CCDC88A: variants seen among roughly 807,000 people sequenced by gnomAD.
CCDC88A encodes girdin.
In CCDC88A, 54 loss-of-function variants were observed where a neutral mutation model predicts 234.3. The observed-to-expected ratio is 0.23, with a 90% confidence interval of 0.19 to 0.29. CCDC88A has a LOEUF of 0.29. Ranked by LOEUF, CCDC88A falls within the 10% of genes least tolerant of loss-of-function variation. The pLI is 1.00. For synonymous variants in CCDC88A, 753 were observed against 737.8 expected (o/e 1.02, Z -0.33); for missense variants, 1,832 against 2,123.4 (o/e 0.86, Z 2.70).
At chr2:55,387,667 A>G (rs912678449) in intron 3 of CCDC88A, among the ~76,000 whole-genome samples, 1 of 151,220 alleles carries the variant, frequency 6.6e-6, no homozygotes. Flanking sequence ...CTATAGTCCC[A>G]GCTACTCAGG....
Position 55,309,410 on chromosome 2 carries a change from G to A in CCDC88A, c.4080-156C>T, listed in dbSNP as rs1170243334. On this transcript the variant is annotated intron_variant, in intron 23 of 32. Coordinates refer to ENST00000436346, the MANE Select transcript of CCDC88A (RefSeq NM_001365480.1). This position sits in a 1 kb window ranked among gnomAD's most constrained non-coding sequence, Gnocchi z 5.1. ...AAGATTTCATCAGGTAGTTAACAATGGGAATTTTTCCATGTTTCTCCTTTT... is the reference window on the plus strand; with the variant it reads ...AAGATTTCATCAGGTAGTTAACAATAGGAATTTTTCCATGTTTCTCCTTTT... 6.6e-6 allele frequency among the ~76,000 whole-genome samples: 1 copy of A among 151,858 alleles called. No homozygotes were observed. Among genetic ancestry groups the A allele is most frequent in the African/African-American group, 2.4e-5 (1 of 41,354 alleles).
rs3111411 is a variant in CCDC88A at position 55,372,519 on chromosome 2, G to A, written c.344-9C>T. The A allele has an allele frequency of 0.59, 790,940 of 1,350,422 alleles. 239,391 individuals carry two copies. Among genetic ancestry groups the A allele is most frequent in the Admixed American group, 0.69 (39,371 of 56,884 alleles). 83.7% of individuals were successfully genotyped at this position (1,350,422 alleles called of 1,614,324 possible). A position where few individuals can be genotyped will look rare whatever the true frequency, so the allele number is the denominator to read the frequency against. On this transcript the variant is annotated splice_polypyrimidine_tract_variant and intron_variant, in intron 4 of 32. Transcript: ENST00000436346. ...TTCTTCTGTGCCTTGTTCTAAAATAGAAACAATTATTAAGGACAACATTCT... is the reference window on the plus strand; with the variant it reads ...TTCTTCTGTGCCTTGTTCTAAAATAAAAACAATTATTAAGGACAACATTCT...
At chr2:55,294,913 G>A (rs1340957028) in intron 31 of CCDC88A, 11 of 1,137,130 alleles carry the variant, frequency 9.7e-6, no homozygotes, top group African/African-American at 1.6e-5. Context: ...TAATATACAT[G>A]CCATCATGTA....
At chr2:55,395,516 T>C (rs1325130745) in intron 2 of CCDC88A, among the ~76,000 whole-genome samples, 2 of 152,224 alleles carry the variant, frequency 1.3e-5, no homozygotes, top group Non-Finnish European at 1.5e-5. Flanking sequence ...AGAGGGACCA[T>C]ATCTTCTTAT....
intron 2 of CCDC88A, among the ~76,000 whole-genome samples, chr2:55,400,768 T>C (rs1678476505): frequency 6.6e-6 from 1 of 152,222 alleles, no homozygotes; most frequent in African/African-American, 2.4e-5. Context: ...ACCTGTTGTA[T>C]GTCCTCTTGG....
chr2:55,381,459 G>A (rs150192161), intron 3 of CCDC88A, among the ~76,000 whole-genome samples: 4 of 151,554 alleles, frequency 2.6e-5, no homozygotes, highest in Non-Finnish European at 5.9e-5. Context: ...AGGCTGAGGT[G>A]GGGGGATGGC....
At position 55,325,760 on chromosome 2, in the gene CCDC88A, T is replaced by C. The variant is rs534517983; in HGVS notation, c.2997+2534A>G. On this transcript the variant is annotated intron_variant, in intron 17 of 32. Transcript: ENST00000436346. Reference sequence around the variant, plus strand: ...TTTTCTCCATGTAGTTCTACAGATATTTGCTTCATGTATTTTGCAGCTCTG... The same window carrying C: ...TTTTCTCCATGTAGTTCTACAGATACTTGCTTCATGTATTTTGCAGCTCTG... Among the ~76,000 whole-genome samples, 77 of 152,340 alleles carry C rather than the reference T, an allele frequency of 5.1e-4. 1 individual carries two copies. Among genetic ancestry groups the C allele is most frequent in the African/African-American group, 1.8e-3 (74 of 41,582 alleles).
intron 3 of CCDC88A, among the ~76,000 whole-genome samples, chr2:55,383,682 A>G (rs1674990722): frequency 6.6e-6 from 1 of 151,956 alleles, no homozygotes; most frequent in East Asian, 1.9e-4. Context: ...ACTTCGCCTC[A>G]AATACATCTT....
chr2:55,301,700 T>C, intron 27 of CCDC88A, 172 bp downstream of exon 27: 1 of 623,112 alleles, frequency 1.6e-6, no homozygotes, highest in African/African-American at 1.8e-5. Flanking sequence ...TAGTTATTTG[T>C]ATAACGTTTT....
chr2:55,383,021 G>A (rs1399622702), intron 3 of CCDC88A, among the ~76,000 whole-genome samples: 1 of 149,830 alleles, frequency 6.7e-6, no homozygotes, highest in African/African-American at 2.5e-5. Context: ...GGGAAAATGT[G>A]AATGACATTA....
intron 2 of CCDC88A, among the ~76,000 whole-genome samples, chr2:55,402,318 G>A (rs1678836183): frequency 6.6e-6 from 1 of 152,102 alleles, no homozygotes; most frequent in Non-Finnish European, 1.5e-5. Flanking sequence ...ATAGAATACA[G>A]CTGTTTTCTT....
intron 2 of CCDC88A, among the ~76,000 whole-genome samples, chr2:55,414,901 T>TA (rs1238602738): frequency 3.3e-5 from 5 of 151,136 alleles, no homozygotes; most frequent in Non-Finnish European, 4.4e-5. Flanking sequence ...CCGTCTCTAC[T>TA]AAAAAAATAC....
chr2:55,327,820 C>A (rs2589057), intron 17 of CCDC88A, among the ~76,000 whole-genome samples: 11,886 of 152,254 alleles, frequency 0.078, 702 homozygotes, highest in East Asian at 0.31. Flanking sequence ...TGAATACTTT[C>A]AAATATCACA....
At chr2:55,314,708 G>A (rs932639270) in intron 22 of CCDC88A, 1 of 152,148 alleles carries the variant, frequency 6.6e-6, no homozygotes, top group Non-Finnish European at 1.5e-5. Context: ...CCTGGTCCAA[G>A]AACAAATTTT....
chr2:55,411,478 A>G (rs1030528758), intron 2 of CCDC88A, among the ~76,000 whole-genome samples: 1 of 152,148 alleles, frequency 6.6e-6, no homozygotes, highest in Admixed American at 6.5e-5. Context: ...TGTGGACAAA[A>G]AAATCTCAAC....
At chr2:55,327,587 G>A (rs1032764108) in intron 17 of CCDC88A, among the ~76,000 whole-genome samples, 3 of 152,156 alleles carry the variant, frequency 2.0e-5, no homozygotes, top group Non-Finnish European at 2.9e-5. Flanking sequence ...TGAGTACAGC[G>A]ATTCTAAATG....
intron 2 of CCDC88A, chr2:55,405,858 A>C (rs1679463402): frequency 6.6e-6 from 1 of 152,084 alleles, no homozygotes; most frequent in Non-Finnish European, 1.5e-5. Flanking sequence ...TTAATACTTA[A>C]GTTAAAAAAA....
chr2:55,336,683 GTC>G lies in CCDC88A; in HGVS notation c.1652_1653del (p.Arg551ThrfsTer3), dbSNP rs1376116733. The G allele has an allele frequency of 6.4e-7, 1 of 1,559,540 alleles. No individual in the cohort carries two copies. Among genetic ancestry groups the G allele is most frequent in the Non-Finnish European group, 8.7e-7 (1 of 1,155,446 alleles). ...TIETLRENSE[R>X]QIKILEQENE... ...TACTTAGTAAAAAATGTATGAACCT[GTC>G]TCTCTGAATTTTCTCTCAGTGTTTC... On this transcript the variant is annotated frameshift_variant, in exon 14 of 33. Transcript: ENST00000436346. LOFTEE classifies it high-confidence loss of function.
At position 55,409,236 on chromosome 2, in the gene CCDC88A, T is replaced by C. The variant is rs1484455201; in HGVS notation, c.164+9580A>G. ...AAACTTCCTAATTCCTCCACCGTTA[T>C]TTACATCTTCATGCCTCTTTTTCAT... is the stretch of plus-strand genomic sequence containing the variant. On this transcript the variant is annotated intron_variant, in intron 2 of 32. Coordinates refer to ENST00000436346, the MANE Select transcript of CCDC88A (RefSeq NM_001365480.1). Among the ~76,000 whole-genome samples, 3 of 152,226 alleles carry C rather than the reference T, an allele frequency of 2.0e-5. No individual in the cohort carries two copies. The South Asian group carries it at 6.2e-4, about 32-fold the overall frequency.
Sources: gnomAD v4.1 joint callset for allele counts (sites outside exome capture counted in the v4.1 genomes callset) on GRCh38, gnomAD v4.1.1 for gene constraint, Gnocchi (gnomAD v3.1) non-coding constraint, MANE v1.5 for transcripts, NCBI Gene and HGNC (gene_info 2026-07-23, HGNC 2026-07-21) for gene names.